Variants in GPRIN3 observed in about 807,000 individuals in gnomAD.
GPRIN3 encodes G protein-regulated inducer of neurite outgrowth 3.
Under a neutral mutation model 13.7 loss-of-function variants are expected in GPRIN3, and 12 were observed. The observed-to-expected ratio is 0.87, with a 90% CI of 0.56 to 1.42. GPRIN3 has a LOEUF of 1.42. GPRIN3 is among the 40% of genes most tolerant of loss of function. GPRIN3 has a pLI of 0.00. For synonymous variants in GPRIN3, 377 were observed against 372.7 expected (o/e 1.01, Z -0.13); for missense variants, 1,009 against 958.7 (o/e 1.05, Z -0.69).
At position 89,241,418 on chromosome 4, in the gene GPRIN3, C is replaced by T. The variant is rs1722943573; in HGVS notation, c.*6362G>A. 1.3e-5 allele frequency: 2 copies of T among 152,142 alleles called. No homozygotes were observed. The highest frequency in any genetic ancestry group is 2.9e-5 in the Non-Finnish European group (2 of 68,024). The allele number at this position is 152,142 out of a possible 1,614,324, so 9.4% of individuals were successfully genotyped here. On this transcript the variant is annotated 3_prime_UTR_variant, in exon 2 of 2. Coordinates refer to ENST00000609438, the MANE Select transcript of GPRIN3 (RefSeq NM_198281.3). Reference sequence around the variant, plus strand: ...ACTGATCACTCAGACTGTACACACTCACAGAATGTATTGACATACCACGAC... The same window carrying T: ...ACTGATCACTCAGACTGTACACACTTACAGAATGTATTGACATACCACGAC...
intron 1 of GPRIN3, among the ~76,000 whole-genome samples, chr4:89,303,384 G>A (rs1724950495): frequency 6.6e-6 from 1 of 152,074 alleles, no homozygotes; most frequent in Admixed American, 6.5e-5. Context: ...GGTGTATCTC[G>A]TAATGTCAAT....
Position 89,266,564 on chromosome 4 carries a change from G to A in GPRIN3, c.-123-16331C>T, listed in dbSNP as rs116534387. ...GTTTAGGAAAACTTGACAAAGGTGGGTTGCTAAAACCAAGTTGCTATTGCA... is the reference window on the plus strand; with the variant it reads ...GTTTAGGAAAACTTGACAAAGGTGGATTGCTAAAACCAAGTTGCTATTGCA... On this transcript the variant is annotated intron_variant, in intron 1 of 1. Coordinates refer to ENST00000609438, the MANE Select transcript of GPRIN3 (RefSeq NM_198281.3). 8.6e-3 allele frequency among the ~76,000 whole-genome samples: 1,311 copies of A among 152,318 alleles called. 13 individuals are homozygous for A. Among genetic ancestry groups the A allele is most frequent in the East Asian group, 0.031 (162 of 5,184 alleles).
At position 89,241,751 on chromosome 4, in the gene GPRIN3, A is replaced by C. The variant is rs1722952447; in HGVS notation, c.*6029T>G. The C allele has an allele frequency of 6.6e-6, 1 of 152,200 alleles. No homozygotes were observed. Among genetic ancestry groups the C allele is most frequent in the Non-Finnish European group, 1.5e-5 (1 of 68,016 alleles). The allele number at this position is 152,200 out of a possible 1,614,324, so 9.4% of individuals were successfully genotyped here. A position where few individuals can be genotyped will look rare whatever the true frequency, so the allele number is the denominator to read the frequency against. ...ATGTGATCTAAAATAAATGTTAAGG[A>C]ATCTCAACTAAAATCATCAAGGATG... On this transcript the variant is annotated 3_prime_UTR_variant, in exon 2 of 2. Transcript: ENST00000609438.
At chr4:89,301,214 T>C (rs1364633983) in intron 1 of GPRIN3, among the ~76,000 whole-genome samples, 1 of 152,058 alleles carries the variant, frequency 6.6e-6, no homozygotes, top group African/African-American at 2.4e-5. Context: ...TCCAAGAAAG[T>C]GGAACTCACA....
rs771175430 is a variant in GPRIN3 at position 89,247,750 on chromosome 4, T to G, written c.*30A>C. The stretch of plus-strand genomic sequence containing the variant: ...AGGGACGCATGTGAATACCGTAAAT[T>G]TATACACAAACTCCCATAAATACTC... On this transcript the variant is annotated 3_prime_UTR_variant, in exon 2 of 2. Transcript: ENST00000609438. 6.4e-6 allele frequency: 10 copies of G among 1,567,052 alleles called. No homozygotes were observed. In the Admixed American group the frequency reaches 9.0e-5, roughly 14 times the overall value.
chr4:89,285,425 G>A lies in GPRIN3; in HGVS notation c.-124+22190C>T, dbSNP rs571672878. Reference sequence around the variant, plus strand: ...TGAGTAATAACTTTGTCTACCATGTGGCATGGCCAGCCTCGCATCAATTAA... The same window carrying A: ...TGAGTAATAACTTTGTCTACCATGTAGCATGGCCAGCCTCGCATCAATTAA... On this transcript the variant is annotated intron_variant, in intron 1 of 1. Transcript: ENST00000609438. 2.6e-5 allele frequency among the ~76,000 whole-genome samples: 4 copies of A among 152,134 alleles called. No homozygotes were observed. The South Asian group carries it at 8.3e-4, about 32-fold the overall frequency.
intron 1 of GPRIN3, among the ~76,000 whole-genome samples, chr4:89,266,897 T>C (rs1036001592): frequency 6.6e-6 from 1 of 152,230 alleles, no homozygotes; most frequent in Non-Finnish European, 1.5e-5. Context: ...GTCATTTTTA[T>C]AGTTCTTAAT....
At chr4:89,276,087 C>A (rs1477392236) in intron 1 of GPRIN3, among the ~76,000 whole-genome samples, 1 of 152,124 alleles carries the variant, frequency 6.6e-6, no homozygotes, top group African/African-American at 2.4e-5. Context: ...TTTCTCTGAG[C>A]CCAGAGCCCA....
At chr4:89,285,749 G>A (rs1023928275) in intron 1 of GPRIN3, among the ~76,000 whole-genome samples, 6 of 152,062 alleles carry the variant, frequency 3.9e-5, no homozygotes, top group African/African-American at 1.4e-4. Context: ...ACAGAGATGG[G>A]GAAAAGGCAT....
At chr4:89,256,818 TTACTAATCC>T (rs1350401522) in intron 1 of GPRIN3, among the ~76,000 whole-genome samples, 3 of 152,174 alleles carry the variant, frequency 2.0e-5, no homozygotes, top group African/African-American at 7.2e-5. Flanking sequence ...AAGTAAGAGA[TTACTAATCC>T]TCAAGAAAAG....
intron 1 of GPRIN3, among the ~76,000 whole-genome samples, chr4:89,255,260 T>C (rs1233743094): frequency 1.3e-5 from 2 of 152,220 alleles, no homozygotes; most frequent in Non-Finnish European, 2.9e-5. Context: ...CCCAGTTTAA[T>C]CTATAAACTG....
chr4:89,255,360 A>G (rs1723438233), intron 1 of GPRIN3, among the ~76,000 whole-genome samples: 1 of 152,230 alleles, frequency 6.6e-6, no homozygotes, highest in Non-Finnish European at 1.5e-5. Context: ...ATTAAGCACC[A>G]TAAAAGTGTT....
chr4:89,248,147 T>C lies in GPRIN3; in HGVS notation c.1964A>G (p.Gln655Arg). The C allele has an allele frequency of 6.2e-7, 1 of 1,614,160 alleles. No individual in the cohort carries two copies. The highest frequency in any genetic ancestry group is 1.1e-5 in the South Asian group (1 of 91,082). The change falls in exon 2 of 2, where the codon CAG becomes CGG. Residue 655 changes from glutamine to arginine, a missense_variant. By Grantham distance (43) the Gln-to-Arg change is conservative. Coordinates refer to ENST00000609438, the MANE Select transcript of GPRIN3 (RefSeq NM_198281.3). ...QKLNVTAAAAQVGLTPGDKKK... is the reference protein window; with the variant it reads ...QKLNVTAAAARVGLTPGDKKK... ...CTTATCTCCTGGAGTGAGTCCTACC[T>C]GAGCAGCAGCTGCTGTCACATTTAA...
At position 89,243,874 on chromosome 4, in the gene GPRIN3, A is replaced by T. The variant is rs1321182788; in HGVS notation, c.*3906T>A. 3.9e-5 allele frequency: 6 copies of T among 152,218 alleles called. No individual in the cohort carries two copies. Among genetic ancestry groups the T allele is most frequent in the Non-Finnish European group, 7.3e-5 (5 of 68,030 alleles). The allele number at this position is 152,218 out of a possible 1,614,324, so 9.4% of individuals were successfully genotyped here. On this transcript the variant is annotated 3_prime_UTR_variant, in exon 2 of 2. Coordinates refer to ENST00000609438, the MANE Select transcript of GPRIN3 (RefSeq NM_198281.3). ...AAGTAGACAAGGGATGTGGTTAATT[A>T]TGTGTTACTAGGAGTAGACAAAATT...
intron 1 of GPRIN3, among the ~76,000 whole-genome samples, chr4:89,270,272 T>A (rs1487056626): frequency 6.6e-6 from 1 of 151,714 alleles, no homozygotes; most frequent in Non-Finnish European, 1.5e-5. Flanking sequence ...AAGGTTGATA[T>A]AAAAAACCTG....
At chr4:89,280,004 G>A (rs956966094) in intron 1 of GPRIN3, among the ~76,000 whole-genome samples, 59 of 152,204 alleles carry the variant, frequency 3.9e-4, no homozygotes, top group African/African-American at 1.2e-3. Context: ...AAACTCATCC[G>A]TTTTCACTTC....
At chr4:89,270,586 TA>T (rs1174203061) in intron 1 of GPRIN3, among the ~76,000 whole-genome samples, 6 of 84,846 alleles carry the variant, frequency 7.1e-5, no homozygotes, top group African/African-American at 4.3e-4. Context: ...TATATATATA[TA>T]TATATATATA....
Position 89,248,838 on chromosome 4 carries a change from A to G in GPRIN3, c.1273T>C (p.Leu425=), listed in dbSNP as rs374087952. Residue 425 remains leucine, a synonymous_variant, in exon 2 of 2, where the codon TTG becomes CTG. Transcript: ENST00000609438. ...GTATGCTGGGCATTACTGGAGACCA[A>G]ATTGATTGATGAGGTTTTAAGGACC... is the stretch of plus-strand genomic sequence containing the variant. ...GGVLKTSSIN[L]VSSNAQHTCK... is the part of the protein sequence containing the mutation. 5.5e-5 allele frequency: 88 copies of G among 1,613,996 alleles called. No homozygotes were observed. The highest frequency in any genetic ancestry group is 2.5e-4 in the South Asian group (23 of 91,092).
In GPRIN3 at chr4:89,238,700, G is replaced by GAAAA. The variant is rs35813307; in HGVS notation, c.*9076_*9079dup. ...CTATGGGAATTCTATTTTAATTAAA[G>GAAAA]AAAAAAGTTCTTTCATTGCAAATAC... On this transcript the variant is annotated 3_prime_UTR_variant, in exon 2 of 2. Transcript: ENST00000609438. 1 of 152,054 alleles carries GAAAA rather than the reference G, an allele frequency of 6.6e-6. No homozygotes were observed. The highest frequency in any genetic ancestry group is 1.5e-5 in the Non-Finnish European group (1 of 68,018). 9.4% of individuals were successfully genotyped at this position (152,054 alleles called of 1,614,324 possible).
Sources: gnomAD v4.1 joint callset for allele counts (sites outside exome capture counted in the v4.1 genomes callset) on GRCh38, gnomAD v4.1.1 for gene constraint, MANE v1.5 for transcripts, NCBI Gene and HGNC (gene_info 2026-07-23, HGNC 2026-07-21) for gene names.